PCDHA5: variants seen among roughly 807,000 people sequenced by gnomAD.
The protein encoded by PCDHA5 is protocadherin alpha 5.
PCDHA5 carries 43 observed loss-of-function variants against 61.6 expected under a neutral mutation model. That is an observed-to-expected ratio of 0.70 (90% confidence interval 0.55 to 0.90). The LOEUF is 0.90. Among genes scored for constraint, PCDHA5 ranks in the 40% least tolerant of loss-of-function variants. The pLI is 0.00. For synonymous variants in PCDHA5, 627 were observed against 543.9 expected (o/e 1.15, Z -2.13); for missense variants, 1,298 against 1,222.7 (o/e 1.06, Z -0.92).
At chr5:140,959,602 CT>C (rs1554224184) in intron 1 of PCDHA5, among the ~76,000 whole-genome samples, 1 of 152,008 alleles carries the variant, frequency 6.6e-6, no homozygotes, top group Admixed American at 6.6e-5. Flanking sequence ...GTATAACATG[CT>C]TTTCTTGCTT....
chr5:140,857,371 T>C (rs1203627643), intron 1 of PCDHA5: 2 of 1,598,092 alleles, frequency 1.3e-6, no homozygotes, highest in African/African-American at 2.7e-5. Flanking sequence ...CCAGCGTGTC[T>C]GTGGAGGTGG....
intron 1 of PCDHA5, among the ~76,000 whole-genome samples, chr5:140,939,650 A>G (rs1203077314): frequency 1.3e-5 from 2 of 152,228 alleles, no homozygotes; most frequent in African/African-American, 2.4e-5. Flanking sequence ...GAAAACTTCA[A>G]TAACAGGAAT....
rs372349337 is a variant in PCDHA5, at chr5:140,882,421, C to A, written c.2352+58294C>A. On this transcript the variant is annotated intron_variant, in intron 1 of 3. Transcript: ENST00000529859. ...CCTTCGTGGGCCGCATCGCTCAGGA[C>A]CTGGGGCTGGAGCTGGCGGAGCTGG... is the stretch of plus-strand genomic sequence containing the variant. 5.0e-6 allele frequency: 8 copies of A among 1,613,986 alleles called. No homozygotes were observed. The African/African-American group carries it at 8.0e-5, about 16-fold the overall frequency.
chr5:140,917,231 A>G (rs2077963769), intron 1 of PCDHA5, among the ~76,000 whole-genome samples: 1 of 151,360 alleles, frequency 6.6e-6, no homozygotes, highest in Admixed American at 6.6e-5. Context: ...TACGTTGTTA[A>G]ATCTAGGTAC....
intron 3 of PCDHA5, among the ~76,000 whole-genome samples, chr5:140,985,892 A>G (rs2097176300): frequency 1.3e-5 from 2 of 151,830 alleles, no homozygotes; most frequent in Non-Finnish European, 2.9e-5. Flanking sequence ...GGCGCCCGCC[A>G]CCACTCCCGT....
intron 1 of PCDHA5, chr5:140,836,319 C>G (rs577271797): frequency 1.2e-6 from 2 of 1,613,720 alleles, no homozygotes; most frequent in Middle Eastern, 1.6e-4. Context: ...ACCGCGCCAC[C>G]GCCTTCTGGT....
At chr5:140,988,761 A>G (rs1320753301) in intron 3 of PCDHA5, among the ~76,000 whole-genome samples, 1 of 152,218 alleles carries the variant, frequency 6.6e-6, no homozygotes, top group Non-Finnish European at 1.5e-5. Context: ...TGGGCAGAAT[A>G]CAGTCATGGT....
intron 1 of PCDHA5, chr5:140,828,035 G>A: frequency 3.3e-6 from 5 of 1,537,082 alleles, no homozygotes; most frequent in Non-Finnish European, 4.4e-6. Context: ...GGAACATACA[G>A]TATTTTATCT....
At chr5:141,005,985 T>C (rs2098249971) in intron 3 of PCDHA5, among the ~76,000 whole-genome samples, 1 of 151,848 alleles carries the variant, frequency 6.6e-6, no homozygotes, top group Non-Finnish European at 1.5e-5. Context: ...AAAGAGTGTT[T>C]GAGGATCTGA....
chr5:140,858,298 G>A lies in PCDHA5; in HGVS notation c.2352+34171G>A. The A allele has an allele frequency of 1.3e-6, 2 of 1,597,204 alleles. 1 individual carries two copies. Among genetic ancestry groups the A allele is most frequent in the South Asian group, 2.2e-5 (2 of 90,438 alleles). ...CGGTGGGGAGCTGGTCTTACTCGCA[G>A]CAGAGGCGGCAGAGGGTGTGTTCTG... On this transcript the variant is annotated intron_variant, in intron 1 of 3. Transcript: ENST00000529859.
intron 1 of PCDHA5, among the ~76,000 whole-genome samples, chr5:140,904,268 A>G (rs989389819): frequency 1.3e-5 from 2 of 152,004 alleles, no homozygotes; most frequent in African/African-American, 4.8e-5. Context: ...CCACTTATGA[A>G]TGAGAACATG....
chr5:140,831,212 T>C (rs1173379795), intron 1 of PCDHA5: 1 of 152,260 alleles, frequency 6.6e-6, no homozygotes, highest in Non-Finnish European at 1.5e-5. Context: ...AGTAAATTTA[T>C]ATGAAAACTG....
intron 1 of PCDHA5, among the ~76,000 whole-genome samples, chr5:140,906,637 C>A (rs1171706512): frequency 6.6e-6 from 1 of 152,226 alleles, no homozygotes; most frequent in Non-Finnish European, 1.5e-5. Flanking sequence ...AGCACCTCAG[C>A]AGGTAGTGGT....
chr5:140,920,841 TAA>T (rs781921146), intron 1 of PCDHA5, among the ~76,000 whole-genome samples: 15 of 109,130 alleles, frequency 1.4e-4, no homozygotes, highest in Admixed American at 1.9e-4. Flanking sequence ...AGACCAAATC[TAA>T]AAAAAAAAAA....
chr5:140,833,788 C>T (rs1397261820), intron 1 of PCDHA5, among the ~76,000 whole-genome samples: 1 of 152,046 alleles, frequency 6.6e-6, no homozygotes, highest in Non-Finnish European at 1.5e-5. Context: ...GTTTCTCTTT[C>T]ATCAATCAGT....
At chr5:140,876,164 C>G in intron 1 of PCDHA5, 5 of 1,613,950 alleles carry the variant, frequency 3.1e-6, no homozygotes, top group Non-Finnish European at 4.2e-6. Context: ...ATTCAAATAA[C>G]CGTCCTGGAT....
At chr5:140,881,563 T>C (rs894982822) in intron 1 of PCDHA5, among the ~76,000 whole-genome samples, 4 of 152,232 alleles carry the variant, frequency 2.6e-5, no homozygotes, top group Non-Finnish European at 5.9e-5. Flanking sequence ...AAATATCTTA[T>C]CTACATCTCA....
chr5:140,895,442 C>T (rs2065008027), intron 1 of PCDHA5, among the ~76,000 whole-genome samples: 1 of 152,148 alleles, frequency 6.6e-6, no homozygotes. Context: ...AGACTCTTTT[C>T]ATGTGCTTAT....
chr5:140,989,538 T>G (rs1254500205), intron 3 of PCDHA5, among the ~76,000 whole-genome samples: 3 of 152,180 alleles, frequency 2.0e-5, no homozygotes, highest in Non-Finnish European at 4.4e-5. Flanking sequence ...GAAGATAGTT[T>G]GTAATTCCTT....
Sources: allele counts gnomAD v4.1 joint callset (sites outside exome capture counted in the v4.1 genomes callset), GRCh38; gene constraint gnomAD v4.1.1; transcripts MANE v1.5; gene names NCBI Gene and HGNC (gene_info 2026-07-23, HGNC 2026-07-21).